The following TMEM217 variants were observed in gnomAD, a reference collection of about 807,000 sequenced individuals.
The protein encoded by TMEM217 is chromosome 6 open reading frame 128.
For synonymous variants in TMEM217, 76 were observed against 88.3 expected (o/e 0.86, Z 0.78); for missense variants, 204 against 248.8 (o/e 0.82, Z 1.21).
intron 1 of TMEM217, among the ~76,000 whole-genome samples, chr6:37,228,808 TA>T (rs1562009755): frequency 1.3e-5 from 2 of 151,128 alleles, no homozygotes; most frequent in Admixed American, 6.6e-5. Context: ...CCATCCTGAC[TA>T]ACACGGTGAA....
At position 37,230,036 on chromosome 6, in the gene TMEM217, G is replaced by T. The variant is rs75362793; in HGVS notation, c.-11-10995C>A. Reference sequence around the variant, plus strand: ...CGTTTCCTTGCATTTGTAGAACAAAGATCCCTACTTCCTTGCTGGCTGTTA... The same window carrying T: ...CGTTTCCTTGCATTTGTAGAACAAATATCCCTACTTCCTTGCTGGCTGTTA... On this transcript the variant is annotated intron_variant, in intron 1 of 1. Transcript: ENST00000357219. 1.8e-3 allele frequency among the ~76,000 whole-genome samples: 281 copies of T among 152,320 alleles called. 1 individual carries two copies. Among genetic ancestry groups the T allele is most frequent in the Middle Eastern group, 6.8e-3 (2 of 294 alleles).
Position 37,258,033 on chromosome 6 carries a change from C to T in TMEM217, c.-477G>A, listed in dbSNP as rs186437763. On this transcript the variant is annotated 5_prime_UTR_variant, in exon 1 of 2. Transcript: ENST00000357219. ...GACCAAACCCTTCCAGATCCTAATC[C>T]CTGAATCCCGCGGGCCTGGGGCGCC... 1.5e-5 allele frequency: 24 copies of T among 1,575,860 alleles called. No individual in the cohort carries two copies. The African/African-American group carries it at 2.8e-4, about 19-fold the overall frequency.
At chr6:37,252,926 T>C (rs1765525206) in intron 1 of TMEM217, among the ~76,000 whole-genome samples, 1 of 150,972 alleles carries the variant, frequency 6.6e-6, no homozygotes, top group Non-Finnish European at 1.5e-5. Flanking sequence ...AGGTGTGAGC[T>C]ACTGTTACCC....
chr6:37,212,717 C>T (rs2113791833), downstream of TMEM217: 1 of 653,276 alleles, frequency 1.5e-6, no homozygotes, highest in Non-Finnish European at 2.8e-6. Flanking sequence ...ATCAGCAGCC[C>T]CATGTAGATA....
downstream of TMEM217, among the ~76,000 whole-genome samples, chr6:37,215,999 GTGTGTGTGT>G (rs1763183006): frequency 6.1e-5 from 1 of 16,406 alleles, no homozygotes; most frequent in Non-Finnish European, 1.2e-4. Flanking sequence ...TTCAGGGTGT[GTGTGTGTGT>G]GTGTGTGTGT....
chr6:37,226,185 T>A (rs1365244976), intron 1 of TMEM217, among the ~76,000 whole-genome samples: 23 of 152,120 alleles, frequency 1.5e-4, no homozygotes, highest in Non-Finnish European at 1.5e-5. Context: ...TATGCTTATT[T>A]ACCATCTCCT....
chr6:37,253,050 T>C (rs937221495), intron 1 of TMEM217, among the ~76,000 whole-genome samples: 1 of 152,222 alleles, frequency 6.6e-6, no homozygotes, highest in African/African-American at 2.4e-5. Context: ...TTTTCCACGT[T>C]TTCTTCCAAT....
rs74398542 is a variant in TMEM217, at chr6:37,241,099, C to CTTT, written c.-12+16466_-12+16468dup. Among the ~76,000 whole-genome samples, 414 of 132,894 alleles carry CTTT rather than the reference C, an allele frequency of 3.1e-3. 6 individuals carry two copies. Among genetic ancestry groups the CTTT allele is most frequent in the African/African-American group, 0.01 (367 of 35,476 alleles). 87.2% of individuals were successfully genotyped at this position (132,894 alleles called of 152,430 possible). ...TTCTATATATAATAAAAGTATTACT[C>CTTT]TTTTTTTTTTTTTTTTTGAGACAGG... On this transcript the variant is annotated intron_variant, in intron 1 of 1. Transcript: ENST00000357219.
intron 1 of TMEM217, among the ~76,000 whole-genome samples, chr6:37,219,758 T>C (rs1209697616): frequency 3.9e-5 from 6 of 152,024 alleles, no homozygotes; most frequent in Non-Finnish European, 8.8e-5. Flanking sequence ...TGCTGTTAAC[T>C]CTCCCAGCAT....
chr6:37,244,015 G>C (rs1764934683), intron 1 of TMEM217, among the ~76,000 whole-genome samples: 1 of 152,158 alleles, frequency 6.6e-6, no homozygotes, highest in South Asian at 2.1e-4. Context: ...TTATCTACAG[G>C]GGAACTGGGG....
At chr6:37,216,651 A>T (rs1763222494), downstream of TMEM217, among the ~76,000 whole-genome samples, 1 of 152,194 alleles carries the variant, frequency 6.6e-6, no homozygotes, top group African/African-American at 2.4e-5. Flanking sequence ...GACAATGACA[A>T]GGACAGCTTG....
Position 37,218,497 on chromosome 6 carries a change from TC to T in TMEM217, c.533del (p.Arg178LysfsTer30). 2 of 1,614,104 alleles carry T rather than the reference TC, an allele frequency of 1.2e-6. No individual in the cohort carries two copies. Among genetic ancestry groups the T allele is most frequent in the Non-Finnish European group, 1.7e-6 (2 of 1,180,026 alleles). ...CACTCGAAATTGATAATCTTTTATT[TC>T]TGCTGTGGAGAATCTCCGCTGTAGA... is the stretch of plus-strand genomic sequence containing the variant. On this transcript the variant is annotated frameshift_variant, in exon 2 of 2. Transcript: ENST00000357219. LOFTEE classifies it high-confidence loss of function.
At chr6:37,214,710 C>T (rs770649678), downstream of TMEM217, among the ~76,000 whole-genome samples, 5 of 152,222 alleles carry the variant, frequency 3.3e-5, no homozygotes, top group Non-Finnish European at 7.3e-5. Context: ...TGGCTTACTT[C>T]ACTTAGCATA....
At chr6:37,230,969 GT>G (rs1451657296) in intron 1 of TMEM217, among the ~76,000 whole-genome samples, 1 of 152,086 alleles carries the variant, frequency 6.6e-6, no homozygotes, top group Non-Finnish European at 1.5e-5. Flanking sequence ...TGTTGTTGTT[GT>G]TTAAGTTAGG....
downstream of TMEM217, chr6:37,212,700 G>A: frequency 1.6e-6 from 1 of 632,602 alleles, no homozygotes; most frequent in South Asian, 1.5e-5. Flanking sequence ...TGATCCACAT[G>A]GCATAGATCA....
rs1159371261 is a variant in TMEM217 at position 37,218,221 on chromosome 6, G to A, written c.*201C>T. 4.6e-6 allele frequency: 6 copies of A among 1,311,932 alleles called. No homozygotes were observed. In the East Asian group the frequency reaches 1.9e-4, roughly 42 times the overall value. The allele number at this position is 1,311,932 out of a possible 1,614,324, so 81.3% of individuals were successfully genotyped here. Reference sequence around the variant, plus strand: ...GTCTTACTCTGTCACTCAGGCTGAAGTGCACTGGCGCAATCTCGGCTCACT... The same window carrying A: ...GTCTTACTCTGTCACTCAGGCTGAAATGCACTGGCGCAATCTCGGCTCACT... On this transcript the variant is annotated 3_prime_UTR_variant, in exon 2 of 2. Transcript: ENST00000357219.
At chr6:37,252,615 GTGTATA>G (rs1765480896) in intron 1 of TMEM217, among the ~76,000 whole-genome samples, 1 of 91,226 alleles carries the variant, frequency 1.1e-5, no homozygotes, top group African/African-American at 4.0e-5. Context: ...GTGTATGTGT[GTGTATA>G]TATATATATA....
intron 1 of TMEM217, among the ~76,000 whole-genome samples, chr6:37,255,075 C>G (rs1765644424): frequency 6.6e-6 from 1 of 152,198 alleles, no homozygotes; most frequent in South Asian, 2.1e-4. Flanking sequence ...TCACCTCCTG[C>G]TGTGCGGCCT....
chr6:37,215,621 T>TA (rs2113801464), downstream of TMEM217, among the ~76,000 whole-genome samples: 1 of 139,358 alleles, frequency 7.2e-6, no homozygotes, highest in Admixed American at 7.1e-5. Context: ...AAAGAAAACT[T>TA]ACAATGCAAC....
Sources: allele counts gnomAD v4.1 joint callset (sites outside exome capture counted in the v4.1 genomes callset), GRCh38; gene constraint gnomAD v4.1.1; transcripts MANE v1.5; gene names NCBI Gene and HGNC (gene_info 2026-07-23, HGNC 2026-07-21).